Variants in POLI observed in about 807,000 individuals in gnomAD.
POLI encodes DNA polymerase iota.
Under a neutral mutation model 51.6 loss-of-function variants are expected in POLI, and 58 were observed. The observed-to-expected ratio is 1.12, with a 90% CI of 0.91 to 1.40. The LOEUF (loss-of-function observed/expected upper bound fraction) is 1.40, where lower values mean the gene tolerates loss of function less well. Ranked by LOEUF, POLI falls within the 40% of genes most tolerant of loss-of-function variation. The pLI, the probability that POLI is intolerant of heterozygous loss-of-function variation, is 0.00. For missense variants in POLI, 921 were observed against 871.3 expected (o/e 1.06, Z -0.72); for synonymous variants, 322 against 299.7 (o/e 1.07, Z -0.77).
chr18:54,279,754 A>C (rs2087414990), intron 4 of POLI, among the ~76,000 whole-genome samples: 2 of 152,232 alleles, frequency 1.3e-5, no homozygotes, highest in Non-Finnish European at 2.9e-5. Context: ...CACCTAAAGC[A>C]AATTTATTTT....
At position 54,294,106 on chromosome 18, in the gene POLI, A is replaced by G. The variant is rs2088168255; in HGVS notation, c.1862A>G (p.Tyr621Cys). The G allele has an allele frequency of 6.2e-7, 1 of 1,607,788 alleles. No individual in the cohort carries two copies. The highest frequency in any genetic ancestry group is 1.1e-5 in the South Asian group (1 of 90,864). Residue 621 changes from tyrosine (Y) to cysteine (C), a missense_variant, in exon 10 of 10, where the codon TAT becomes TGT. Physicochemically the swap from Tyr to Cys is radical, Grantham distance 194. Transcript: ENST00000579534. Reference protein sequence around the residue: ...SSSYMSSQKDYSYYLDNRLKD... With the variant: ...SSSYMSSQKDCSYYLDNRLKD... Reference sequence around the variant, plus strand: ...TCTTACATGTCTAGCCAAAAGGATTATTCATATTATTTAGATAATAGATTA... The same window carrying G: ...TCTTACATGTCTAGCCAAAAGGATTGTTCATATTATTTAGATAATAGATTA...
intron 8 of POLI, among the ~76,000 whole-genome samples, chr18:54,289,496 C>A (rs1378098522): frequency 6.6e-6 from 1 of 152,050 alleles, no homozygotes; most frequent in East Asian, 1.9e-4. Context: ...GCATATGGAA[C>A]CAAAAATGAG....
At chr18:54,285,631 C>G (rs893592148) in intron 7 of POLI, among the ~76,000 whole-genome samples, 1 of 150,714 alleles carries the variant, frequency 6.6e-6, no homozygotes, top group Non-Finnish European at 1.5e-5. Context: ...AATGTAAAAC[C>G]GTATTATTTT....
At chr18:54,314,106 A>G (rs1290968890) in intron 3 of POLI, among the ~76,000 whole-genome samples, 1 of 152,024 alleles carries the variant, frequency 6.6e-6, no homozygotes, top group Non-Finnish European at 1.5e-5. Context: ...GGTTTTTATT[A>G]TTTTGACATA....
At chr18:54,306,303 G>A (rs547073904) in intron 3 of POLI, among the ~76,000 whole-genome samples, 32 of 152,102 alleles carry the variant, frequency 2.1e-4, no homozygotes, top group South Asian at 6.2e-4. Flanking sequence ...GAATTTTGTC[G>A]AAGGCCTTTT....
intron 3 of POLI, among the ~76,000 whole-genome samples, chr18:54,318,547 G>A (rs927413716): frequency 6.6e-6 from 1 of 151,904 alleles, no homozygotes; most frequent in Non-Finnish European, 1.5e-5. Context: ...TTTCAGCTGC[G>A]TTCATGTTTG....
At chr18:54,292,859 T>C (rs1238838323) in intron 9 of POLI, among the ~76,000 whole-genome samples, 2 of 152,082 alleles carry the variant, frequency 1.3e-5, no homozygotes, top group Non-Finnish European at 2.9e-5. Flanking sequence ...TCTTTTTACA[T>C]TTTAATTAAT....
At chr18:54,301,688 A>G (rs2088493663), downstream of POLI, among the ~76,000 whole-genome samples, 2 of 152,154 alleles carry the variant, frequency 1.3e-5, no homozygotes, top group Admixed American at 1.3e-4. Context: ...TCGTGCCTCC[A>G]GACTCCCAGG....
At chr18:54,281,046 C>A in intron 5 of POLI, 143 bp downstream of exon 5, 1 of 480,546 alleles carries the variant, frequency 2.1e-6, no homozygotes, top group Non-Finnish European at 3.6e-6. Flanking sequence ...ATACTTGGTT[C>A]CTGGAAAAAA....
chr18:54,297,453 CTT>C lies in POLI; in HGVS notation c.*2989_*2990del, dbSNP rs922808530. 12 of 981,354 alleles carry C rather than the reference CTT, an allele frequency of 1.2e-5. No individual in the cohort carries two copies. Among genetic ancestry groups the C allele is most frequent in the Non-Finnish European group, 1.5e-5 (12 of 826,408 alleles). The allele number at this position is 981,354 out of a possible 1,614,324, so 60.8% of individuals were successfully genotyped here. On this transcript the variant is annotated 3_prime_UTR_variant, in exon 10 of 10. Transcript: ENST00000579534. ...AAACCAGCAATGAATTAAGAGGTCT[CTT>C]TTCTCCAAGATCTAGTGTTTTGTAC...
chr18:54,291,876 A>C lies in POLI; in HGVS notation c.1242A>C (p.Lys414Asn). 1 of 1,607,118 alleles carries C rather than the reference A, an allele frequency of 6.2e-7. No individual in the cohort carries two copies. The highest frequency in any genetic ancestry group is 8.5e-7 in the Non-Finnish European group (1 of 1,174,476). The change falls in exon 9 of 10, where the codon AAA becomes AAC. Residue 414 changes from lysine (K) to asparagine (N), a missense_variant. Physicochemically the swap from Lys to Asn is moderately conservative, Grantham distance 94. Transcript: ENST00000579534. The stretch of plus-strand genomic sequence containing the variant: ...CCCCAATGGTTGATATACTTATGAA[A>C]CTTTTTCGAAATATGGTGAATGTGA... ...VMTPMVDILM[K>N]LFRNMVNVKM... is the part of the protein sequence containing the mutation.
At chr18:54,305,194 A>G (rs146625277) in intron 3 of POLI, among the ~76,000 whole-genome samples, 3,228 of 152,204 alleles carry the variant, frequency 0.021, 74 homozygotes, top group African/African-American at 0.063. Context: ...GTCAGGTAGC[A>G]TGATGCCTCC....
rs774599762 is a variant in POLI at position 54,282,951 on chromosome 18, A to G, written c.911A>G (p.Gln304Arg). 1 of 1,610,472 alleles carries G rather than the reference A, an allele frequency of 6.2e-7. No homozygotes were observed. The highest frequency in any genetic ancestry group is 8.5e-7 in the Non-Finnish European group (1 of 1,178,182). The part of the protein sequence containing the change: ...LEKELGISVA[Q>R]RIQKLSFGED... ...AAAGAATTAGGAATTTCAGTTGCTCAGCGTATCCAAAAGCTCAGTTTTGGA... is the reference window on the plus strand; with the variant it reads ...AAAGAATTAGGAATTTCAGTTGCTCGGCGTATCCAAAAGCTCAGTTTTGGA... Residue 304 changes from glutamine (Q) to arginine (R), a missense_variant, in exon 6 of 10, where the codon CAG becomes CGG. Gln to Arg is a conservative substitution (Grantham distance 43). Coordinates refer to ENST00000579534, the MANE Select transcript of POLI (RefSeq NM_007195.3).
chr18:54,275,553 C>T (rs2087203392), intron 3 of POLI, among the ~76,000 whole-genome samples: 1 of 152,152 alleles, frequency 6.6e-6, no homozygotes, highest in South Asian at 2.1e-4. Flanking sequence ...GAATAAAAGG[C>T]AAGGTACAAA....
rs2088229331 is a variant in POLI, at chr18:54,294,826, T to C, written c.*359T>C. Reference sequence around the variant, plus strand: ...ATGGTAAAGGACACATTTTTTTTTTTTTTTTCCTGTGAAATGTGGAATATC... The same window carrying C: ...ATGGTAAAGGACACATTTTTTTTTTCTTTTTCCTGTGAAATGTGGAATATC... On this transcript the variant is annotated 3_prime_UTR_variant, in exon 10 of 10. Transcript: ENST00000579534. 1 of 988,502 alleles carries C rather than the reference T, an allele frequency of 1.0e-6. No homozygotes were observed. The highest frequency in any genetic ancestry group is 1.7e-5 in the African/African-American group (1 of 57,436). The allele number at this position is 988,502 out of a possible 1,614,324, so 61.2% of individuals were successfully genotyped here.
chr18:54,292,116 C>T, intron 9 of POLI, 78 bp downstream of exon 9: 1 of 878,934 alleles, frequency 1.1e-6, no homozygotes, highest in Non-Finnish European at 1.8e-6. Flanking sequence ...AATCTAAGTG[C>T]TTGTCTTTTT....
At chr18:54,291,650 C>A (rs2088015317) in intron 8 of POLI, 183 bp from the exon 9 acceptor site, 1 of 407,580 alleles carries the variant, frequency 2.5e-6, no homozygotes, top group East Asian at 4.0e-5. Flanking sequence ...ACCAGAAATC[C>A]CATATTTCAA....
In POLI at chr18:54,294,220, T is replaced by A; in HGVS notation, c.1976T>A (p.Phe659Tyr). Residue 659 changes from phenylalanine (F) to tyrosine (Y), a missense_variant, in exon 10 of 10, where the codon TTT (phenylalanine) becomes TAT (tyrosine). Physicochemically the swap from Phe to Tyr is conservative, Grantham distance 22 (BLOSUM62 3). Coordinates refer to ENST00000579534, the MANE Select transcript of POLI (RefSeq NM_007195.3). ...SNPAVSAFHSFPNLQSEQLFS... is the reference protein window; with the variant it reads ...SNPAVSAFHSYPNLQSEQLFS... ...CCTGCTGTGTCTGCTTTTCATTCAT[T>A]TCCAAACTTGCAGAGTGAGCAACTT... The A allele has an allele frequency of 6.2e-7, 1 of 1,613,702 alleles. No homozygotes were observed. Among genetic ancestry groups the A allele is most frequent in the Non-Finnish European group, 8.5e-7 (1 of 1,179,716 alleles).
intron 8 of POLI, among the ~76,000 whole-genome samples, chr18:54,289,197 TG>T (rs1228695953): frequency 9.4e-6 from 1 of 106,466 alleles, no homozygotes; most frequent in Non-Finnish European, 2.1e-5. Context: ...TCTGCTCAAG[TG>T]TTTTTTTTTT....
Sources: allele counts gnomAD v4.1 joint callset (sites outside exome capture counted in the v4.1 genomes callset), GRCh38; gene constraint gnomAD v4.1.1; transcripts MANE v1.5; gene names NCBI Gene and HGNC (gene_info 2026-07-23, HGNC 2026-07-21).